KCTD18: variants seen among roughly 807,000 people sequenced by gnomAD.
KCTD18 encodes the protein potassium channel tetramerization domain containing 18, also known as BTB/POZ domain-containing protein KCTD18.
KCTD18 carries 22 observed loss-of-function variants against 30.4 expected under a neutral mutation model. That is an observed-to-expected ratio of 0.72 (90% CI 0.52 to 1.03). The LOEUF is 1.03. Among genes scored for constraint, KCTD18 ranks in the 50% least tolerant of loss-of-function variants. The probability of loss-of-function intolerance (pLI) is 0.00; values close to 1 mark genes in which losing one functional copy is unlikely to be tolerated. For synonymous variants in KCTD18, 186 were observed against 209.0 expected (o/e 0.89, Z 0.95); for missense variants, 529 against 547.6 (o/e 0.97, Z 0.34).
intron 3 of KCTD18, among the ~76,000 whole-genome samples, chr2:200,500,978 C>A (rs916037227): frequency 6.6e-6 from 1 of 151,434 alleles, no homozygotes; most frequent in Admixed American, 6.6e-5. Flanking sequence ...AGAAATAACG[C>A]CACATATCTA....
intron 3 of KCTD18, among the ~76,000 whole-genome samples, chr2:200,502,674 T>C (rs946594782): frequency 6.6e-6 from 1 of 152,180 alleles, no homozygotes; most frequent in Non-Finnish European, 1.5e-5. Flanking sequence ...GTCCCAGTCC[T>C]CCCAGAGTTT....
chr2:200,490,215 GGCGCGGTGGC>G lies in KCTD18; in HGVS notation c.1156_1165del (p.Ala386LeufsTer62). On this transcript the variant is annotated frameshift_variant, in exon 7 of 7. Transcript: ENST00000359878. LOFTEE classifies it low-confidence loss of function (END_TRUNC). The stretch of plus-strand genomic sequence containing the variant: ...CGTGGCCGTGGGGGAGGGCAGGCAA[GGCGCGGTGGC>G]GCACAGCGGAGTCCTCTTCAGCTTT... The G allele has an allele frequency of 6.3e-7, 1 of 1,580,342 alleles. No homozygotes were observed. The highest frequency in any genetic ancestry group is 1.1e-5 in the South Asian group (1 of 90,698).
In KCTD18 at chr2:200,507,107, C is replaced by T; in HGVS notation, c.-75-16G>A. 2.2e-6 allele frequency: 2 copies of T among 917,282 alleles called. No homozygotes were observed. The highest frequency in any genetic ancestry group is 3.2e-6 in the Non-Finnish European group (2 of 621,192). 56.8% of individuals were successfully genotyped at this position (917,282 alleles called of 1,614,324 possible). A position where few individuals can be genotyped will look rare whatever the true frequency, so the allele number is the denominator to read the frequency against. ...TGGTCTCCCTCTGTAAAACAAAGGA[C>T]AGTCATCCCCGCCATTTCCAACAAG... is the stretch of plus-strand genomic sequence containing the variant. On this transcript the variant is annotated splice_polypyrimidine_tract_variant and intron_variant, in intron 1 of 6. Transcript: ENST00000359878.
At position 200,504,741 on chromosome 2, in the gene KCTD18, C is replaced by A; in HGVS notation, c.372+7G>T. ...ATATATTCAAAAACTTAAAAAAATG[C>A]CAAGACCTTTTTAAGTTCTATATTT... On this transcript the variant is annotated splice_region_variant and intron_variant, in intron 3 of 6. Coordinates refer to ENST00000359878, the MANE Select transcript of KCTD18 (RefSeq NM_152387.4). 1 of 1,603,224 alleles carries A rather than the reference C, an allele frequency of 6.2e-7. No homozygotes were observed. The highest frequency in any genetic ancestry group is 8.5e-7 in the Non-Finnish European group (1 of 1,172,408).
rs779688772 is a variant in KCTD18, at chr2:200,504,850, T to C, written c.270A>G (p.Glu90=). 1.9e-6 allele frequency: 3 copies of C among 1,614,198 alleles called. No individual in the cohort carries two copies. The highest frequency in any genetic ancestry group is 4.5e-5 in the East Asian group (2 of 44,884). Residue 90 remains glutamate (E), a synonymous_variant, in exon 3 of 7, where the codon GAA becomes GAG. Transcript: ENST00000359878. ...AAGGGATGCCAAAGTAATCAGCCTC[T>C]TCCTGTAGGGCGATGCGGGTTTGCT... The part of the protein sequence containing the change: ...TDEQTRIALQ[E]EADYFGIPYP...
intron 5 of KCTD18, chr2:200,495,943 T>C (rs1161761503): frequency 2.6e-5 from 4 of 152,176 alleles, no homozygotes; most frequent in Non-Finnish European, 4.4e-5. Context: ...GTTATTTATA[T>C]CCTACTGCTC....
chr2:200,490,327 C>T lies in KCTD18; in HGVS notation c.1054G>A (p.Ala352Thr), dbSNP rs536670939. The T allele has an allele frequency of 1.7e-5, 27 of 1,614,242 alleles. No individual in the cohort carries two copies. The highest frequency in any genetic ancestry group is 1.6e-4 in the African/African-American group (12 of 75,050). The part of the protein sequence containing the change: ...HPQASPGAAS[A>T]ENGGTHLPPA... ...GGTAAGTGCGTGCCTCCATTTTCAG[C>T]GCTCGCAGCCCCAGGGGAAGCCTGA... is the stretch of plus-strand genomic sequence containing the variant. The change falls in exon 7 of 7, where the codon GCT becomes ACT. Residue 352 changes from alanine (A) to threonine (T), a missense_variant. Transcript: ENST00000359878.
At chr2:200,494,221 T>C (rs1574797862) in intron 5 of KCTD18, among the ~76,000 whole-genome samples, 1 of 151,984 alleles carries the variant, frequency 6.6e-6, no homozygotes, top group South Asian at 2.1e-4. Flanking sequence ...GACAGTGGAG[T>C]GGGGAGTGAC....
Position 200,509,973 on chromosome 2 carries a change from C to CGGGGG in KCTD18, c.-426_-422dup, listed in dbSNP as rs575596733. The CGGGGG allele has an allele frequency of 6.9e-6, 1 of 144,254 alleles. No individual in the cohort carries two copies. The highest frequency in any genetic ancestry group is 6.8e-5 in the Admixed American group (1 of 14,664). 8.9% of individuals were successfully genotyped at this position (144,254 alleles called of 1,614,324 possible). A position where few individuals can be genotyped will look rare whatever the true frequency, so the allele number is the denominator to read the frequency against. On this transcript the variant is annotated 5_prime_UTR_variant, in exon 1 of 7. Transcript: ENST00000359878. ...CATCCCGCGCCCGGCTCTTCCGCACCGGGGGGGTGGGGCGGGTCGGCAGCT... is the reference window on the plus strand; with the variant it reads ...CATCCCGCGCCCGGCTCTTCCGCACCGGGGGGGGGGGGTGGGGCGGGTCGGCAGCT...
intron 3 of KCTD18, among the ~76,000 whole-genome samples, chr2:200,503,411 C>T (rs868162985): frequency 4.6e-5 from 7 of 152,320 alleles, no homozygotes; most frequent in African/African-American, 1.7e-4. Flanking sequence ...TGTTGTATTT[C>T]TTGGTGTCCC....
Position 200,491,572 on chromosome 2 carries a change from A to T in KCTD18, c.765-956T>A, listed in dbSNP as rs187445743. ...ACCTTTGATGGCCAGTAAAATTTGC[A>T]TTCTTTGGAACCCATTTTGGGGACT... On this transcript the variant is annotated intron_variant, in intron 6 of 6. Transcript: ENST00000359878. Among the ~76,000 whole-genome samples, 81 of 152,354 alleles carry T rather than the reference A, an allele frequency of 5.3e-4. 1 individual carries two copies. The highest frequency in any genetic ancestry group is 3.4e-3 in the Middle Eastern group (1 of 294).
Position 200,504,748 on chromosome 2 carries a change from CT to C in KCTD18, c.371del (p.Lys124ArgfsTer3), listed in dbSNP as rs1559186306. 1.9e-6 allele frequency: 3 copies of C among 1,607,736 alleles called. No individual in the cohort carries two copies. The highest frequency in any genetic ancestry group is 2.6e-6 in the Non-Finnish European group (3 of 1,176,144). On this transcript the variant is annotated frameshift_variant and splice_region_variant, in exon 3 of 7. Coordinates refer to ENST00000359878, the MANE Select transcript of KCTD18 (RefSeq NM_152387.4). LOFTEE classifies it high-confidence loss of function. Reference sequence around the variant, plus strand: ...CAAAAACTTAAAAAAATGCCAAGACCTTTTTAAGTTCTATATTTGACCTTAA... The same window carrying C: ...CAAAAACTTAAAAAAATGCCAAGACCTTTTAAGTTCTATATTTGACCTTAA... ...YSLRSNIELK[K>X]ALTDFCDSYG...
intron 5 of KCTD18, among the ~76,000 whole-genome samples, 185 bp from the exon 6 acceptor site, chr2:200,493,459 G>C (rs545973995): frequency 6.6e-6 from 1 of 152,192 alleles, no homozygotes; most frequent in Non-Finnish European, 1.5e-5. Flanking sequence ...CACAGCTCAC[G>C]ACCTGGGTCA....
intron 2 of KCTD18, among the ~76,000 whole-genome samples, chr2:200,505,716 G>A (rs2030149827): frequency 6.6e-6 from 1 of 152,108 alleles, no homozygotes; most frequent in Non-Finnish European, 1.5e-5. Context: ...CTACAAATCT[G>A]GGGTTCCTCA....
Position 200,490,589 on chromosome 2 carries a change from G to A in KCTD18, c.792C>T (p.Asp264=), listed in dbSNP as rs181273720. Residue 264 remains aspartate (D), a synonymous_variant, in exon 7 of 7, where the codon GAC becomes GAT. Transcript: ENST00000359878. The stretch of plus-strand genomic sequence containing the variant: ...GACCAGTCTTATAGTTCACACTTTC[G>A]TCCGCTTCATTGAACGTTATCAGTC... ...KRRLITFNEA[D]ESVNYKTGPK... is the part of the protein sequence containing the mutation. 1.5e-4 allele frequency: 245 copies of A among 1,596,194 alleles called. No homozygotes were observed. Among genetic ancestry groups the A allele is most frequent in the Non-Finnish European group, 2.0e-4 (238 of 1,177,184 alleles).
rs189748150 is a variant in KCTD18, at chr2:200,509,731, C to A, written c.-179G>T. 1.3e-5 allele frequency: 2 copies of A among 152,336 alleles called. No homozygotes were observed. Among genetic ancestry groups the A allele is most frequent in the African/African-American group, 4.8e-5 (2 of 41,566 alleles). The allele number at this position is 152,336 out of a possible 1,614,324, so 9.4% of individuals were successfully genotyped here. ...GAGGGGTCGGGATCTGCCCGCGAACCCCACTTTGAAAAACATCGCTCAAGG... is the reference window on the plus strand; with the variant it reads ...GAGGGGTCGGGATCTGCCCGCGAACACCACTTTGAAAAACATCGCTCAAGG... On this transcript the variant is annotated 5_prime_UTR_variant, in exon 1 of 7. Transcript: ENST00000359878.
chr2:200,506,756 A>G, intron 2 of KCTD18, 101 bp downstream of exon 2: 2 of 1,009,192 alleles, frequency 2.0e-6, no homozygotes, highest in Non-Finnish European at 1.5e-6. Flanking sequence ...AGTAATTAGT[A>G]TAGTCATCTA....
At chr2:200,495,321 T>C (rs549928505) in intron 5 of KCTD18, among the ~76,000 whole-genome samples, 1 of 152,336 alleles carries the variant, frequency 6.6e-6, no homozygotes, top group East Asian at 1.9e-4. Flanking sequence ...TTCCATTCTG[T>C]GGATGTGCCA....
chr2:200,501,074 C>T (rs1328759316), intron 3 of KCTD18, among the ~76,000 whole-genome samples: 1 of 152,130 alleles, frequency 6.6e-6, no homozygotes, highest in African/African-American at 2.4e-5. Context: ...GGAAAACTGG[C>T]TAGCCATATG....
Sources: allele counts gnomAD v4.1 joint callset (sites outside exome capture counted in the v4.1 genomes callset), GRCh38; gene constraint gnomAD v4.1.1; transcripts MANE v1.5; gene names NCBI Gene and HGNC (gene_info 2026-07-23, HGNC 2026-07-21).